The following RBM8A variants were observed in gnomAD, a reference collection of about 807,000 sequenced individuals.
RBM8A encodes the protein RNA binding motif protein 8A.
In RBM8A, 8 loss-of-function variants were observed where a neutral mutation model predicts 25.1. The ratio of observed to expected loss-of-function variants is 0.32; its 90% CI spans 0.19 to 0.58. The LOEUF (loss-of-function observed/expected upper bound fraction) is 0.58, where lower values mean the gene tolerates loss of function less well. Ranked by LOEUF, RBM8A falls within the 20% of genes least tolerant of loss-of-function variation. The pLI, the probability that RBM8A is intolerant of heterozygous loss-of-function variation, is 0.88. For missense variants in RBM8A, 114 were observed against 236.8 expected (o/e 0.48, Z 3.40); for synonymous variants, 66 against 80.0 (o/e 0.82, Z 0.94).
In RBM8A at chr1:145,926,897, CAT is replaced by C; in HGVS notation, c.128-13_128-12del. 6.2e-7 allele frequency: 1 copy of C among 1,614,014 alleles called. No individual in the cohort carries two copies. Among genetic ancestry groups the C allele is most frequent in the Non-Finnish European group, 8.5e-7 (1 of 1,180,014 alleles). ...CTCGGGACCCCTCTTCTATAAGGGA[CAT>C]ACACGAGATCACCGAAAACTCCTCC... On this transcript the variant is annotated splice_polypyrimidine_tract_variant and intron_variant, in intron 2 of 5. Transcript: ENST00000583313.
At position 145,924,133 on chromosome 1, in the gene RBM8A, A is replaced by G. The variant is rs1553755375; in HGVS notation, c.*1749T>C. On this transcript the variant is annotated 3_prime_UTR_variant, in exon 6 of 6. Coordinates refer to ENST00000583313, the MANE Select transcript of RBM8A (RefSeq NM_005105.5). ...TGGGTGGTGAGGGGAACCAGTTCTA[A>G]TAGTCCTCAACTCCACTCCAGCTGT... 8 of 711,960 alleles carry G rather than the reference A, an allele frequency of 1.1e-5. No homozygotes were observed. In the Admixed American group the frequency reaches 1.6e-4, roughly 14 times the overall value. The allele number at this position is 711,960 out of a possible 1,614,324, so 44.1% of individuals were successfully genotyped here.
rs782120463 is a variant in RBM8A, at chr1:145,922,505, G to A, written c.*3377C>T. ...CCATGGGCCACAAGATGATGCAATG[G>A]GAAATGAATTTCATCCTTTCTTACA... On this transcript the variant is annotated 3_prime_UTR_variant, in exon 6 of 6. Coordinates refer to ENST00000583313, the MANE Select transcript of RBM8A (RefSeq NM_005105.5). The A allele has an allele frequency of 6.6e-5, 10 of 152,120 alleles. No individual in the cohort carries two copies. The highest frequency in any genetic ancestry group is 1.5e-5 in the Non-Finnish European group (1 of 68,026). The allele number at this position is 152,120 out of a possible 1,614,324, so 9.4% of individuals were successfully genotyped here. A position where few individuals can be genotyped will look rare whatever the true frequency, so the allele number is the denominator to read the frequency against.
Position 145,923,875 on chromosome 1 carries a change from T to C in RBM8A, c.*2007A>G, listed in dbSNP as rs1244293924. 1.8e-6 allele frequency: 1 copy of C among 552,112 alleles called. No homozygotes were observed. The highest frequency in any genetic ancestry group is 3.2e-6 in the Non-Finnish European group (1 of 309,360). 34.2% of individuals were successfully genotyped at this position (552,112 alleles called of 1,614,324 possible). A position where few individuals can be genotyped will look rare whatever the true frequency, so the allele number is the denominator to read the frequency against. ...GAGGTGGTAGAAATATCATCCCTTA[T>C]AAAGCGCAATGTTAGAATAGTACTT... On this transcript the variant is annotated 3_prime_UTR_variant, in exon 6 of 6. Transcript: ENST00000583313.
rs1648050862 is a variant in RBM8A, at chr1:145,924,810, C to T, written c.*1072G>A. ...TGAATTACAGTATATTTTCTAAATT[C>T]CTAGCCCCTGCTGGTGAATTTGCCC... On this transcript the variant is annotated 3_prime_UTR_variant, in exon 6 of 6. Coordinates refer to ENST00000583313, the MANE Select transcript of RBM8A (RefSeq NM_005105.5). 2.9e-6 allele frequency: 1 copy of T among 349,706 alleles called. No homozygotes were observed. The highest frequency in any genetic ancestry group is 5.7e-6 in the Non-Finnish European group (1 of 174,754). 21.7% of individuals were successfully genotyped at this position (349,706 alleles called of 1,614,324 possible). A position where few individuals can be genotyped will look rare whatever the true frequency, so the allele number is the denominator to read the frequency against.
rs1172060246 is a variant in RBM8A at position 145,921,934 on chromosome 1, A to C, written c.*3948T>G. The C allele has an allele frequency of 1.3e-5, 2 of 152,226 alleles. No homozygotes were observed. Among genetic ancestry groups the C allele is most frequent in the African/African-American group, 4.8e-5 (2 of 41,456 alleles). 9.4% of individuals were successfully genotyped at this position (152,226 alleles called of 1,614,324 possible). A position where few individuals can be genotyped will look rare whatever the true frequency, so the allele number is the denominator to read the frequency against. ...TAGAAGTTAGTCTGACTATACTCCTAAGAACAAAGAAAGGCCTGGTGGCTC... is the reference window on the plus strand; with the variant it reads ...TAGAAGTTAGTCTGACTATACTCCTCAGAACAAAGAAAGGCCTGGTGGCTC... On this transcript the variant is annotated 3_prime_UTR_variant, in exon 6 of 6. Coordinates refer to ENST00000583313, the MANE Select transcript of RBM8A (RefSeq NM_005105.5).
rs149214780 is a variant in RBM8A, at chr1:145,927,438, T to C, written c.-12A>G. On this transcript the variant is annotated 5_prime_UTR_variant, in exon 1 of 6. Coordinates refer to ENST00000583313, the MANE Select transcript of RBM8A (RefSeq NM_005105.5). ...AGCACGTCCGCCATCTCGCCTTCGATCGAGATCTCGTCTGTGCCGCTCAGA... is the reference window on the plus strand; with the variant it reads ...AGCACGTCCGCCATCTCGCCTTCGACCGAGATCTCGTCTGTGCCGCTCAGA... 6.9e-5 allele frequency: 111 copies of C among 1,608,188 alleles called. No individual in the cohort carries two copies. In the African/African-American group the frequency reaches 1.3e-3, roughly 18 times the overall value.
In RBM8A at chr1:145,924,838, C is replaced by T. The variant is rs1256902525; in HGVS notation, c.*1044G>A. The T allele has an allele frequency of 3.0e-6, 1 of 337,414 alleles. No individual in the cohort carries two copies. Among genetic ancestry groups the T allele is most frequent in the Non-Finnish European group, 5.9e-6 (1 of 170,832 alleles). The allele number at this position is 337,414 out of a possible 1,614,324, so 20.9% of individuals were successfully genotyped here. A position where few individuals can be genotyped will look rare whatever the true frequency, so the allele number is the denominator to read the frequency against. On this transcript the variant is annotated 3_prime_UTR_variant, in exon 6 of 6. Transcript: ENST00000583313. Reference sequence around the variant, plus strand: ...AGCCCCTGCTGGTGAATTTGCCCTCCCCCGCTCCTTTGACAATTGTCCCCG... The same window carrying T: ...AGCCCCTGCTGGTGAATTTGCCCTCTCCCGCTCCTTTGACAATTGTCCCCG...
intron 4 of RBM8A, 36 bp from the exon 5 acceptor site, chr1:145,926,213 C>T (rs1553755851): frequency 4.4e-6 from 7 of 1,607,346 alleles, no homozygotes; most frequent in Non-Finnish European, 6.0e-6. Context: ...GAAAACCCTC[C>T]TATTTCCCCA....
chr1:145,927,094 T>C lies in RBM8A; in HGVS notation c.68-17A>G, dbSNP rs1559232007. The C allele has an allele frequency of 5.0e-6, 8 of 1,611,078 alleles. No homozygotes were observed. The highest frequency in any genetic ancestry group is 6.8e-6 in the Non-Finnish European group (8 of 1,177,330). ...GAATGCTCTCTGGAACCCCAGAAGA[T>C]AAAAGAATAAGTAACTATGACAGTC... is the stretch of plus-strand genomic sequence containing the variant. On this transcript the variant is annotated splice_polypyrimidine_tract_variant and intron_variant, in intron 1 of 5. Transcript: ENST00000583313.
At chr1:145,926,774 G>C (rs782186638) in intron 3 of RBM8A, 35 bp downstream of exon 3, 1 of 1,614,026 alleles carries the variant, frequency 6.2e-7, no homozygotes, top group Non-Finnish European at 8.5e-7. Flanking sequence ...TACTACCACA[G>C]ACACGGATAC....
In RBM8A at chr1:145,926,330, G is replaced by A. The variant is rs1553755892; in HGVS notation, c.342+152C>T. On this transcript the variant is annotated intron_variant, in intron 4 of 5. Coordinates refer to ENST00000583313, the MANE Select transcript of RBM8A (RefSeq NM_005105.5). ...TCTACTGTATATATACATCATCTCCGTTTCTGTCTCTTTGGCGTGTCTGAC... is the reference window on the plus strand; with the variant it reads ...TCTACTGTATATATACATCATCTCCATTTCTGTCTCTTTGGCGTGTCTGAC... 4.2e-6 allele frequency: 6 copies of A among 1,440,242 alleles called. No homozygotes were observed. The African/African-American group carries it at 4.3e-5, about 10-fold the overall frequency. The allele number at this position is 1,440,242 out of a possible 1,614,324, so 89.2% of individuals were successfully genotyped here. A position where few individuals can be genotyped will look rare whatever the true frequency, so the allele number is the denominator to read the frequency against.
In RBM8A at chr1:145,927,169, C is replaced by T. The variant is rs1287397695; in HGVS notation, c.68-92G>A. ...AATACACTACCAGCAAGCCGACCCA[C>T]ACCGCCTCCAGTCTTAGTGCCTTCC... On this transcript the variant is annotated intron_variant, in intron 1 of 5. Coordinates refer to ENST00000583313, the MANE Select transcript of RBM8A (RefSeq NM_005105.5). 3.9e-6 allele frequency: 6 copies of T among 1,533,064 alleles called. No homozygotes were observed. In the African/African-American group the frequency reaches 8.2e-5, roughly 21 times the overall value. 95.0% of individuals were successfully genotyped at this position (1,533,064 alleles called of 1,614,324 possible).
At chr1:145,926,408 C>T (rs1274310335) in intron 4 of RBM8A, 74 bp downstream of exon 4, 1 of 1,568,386 alleles carries the variant, frequency 6.4e-7, no homozygotes, top group African/African-American at 1.4e-5. Context: ...TGGCCAACCA[C>T]AGCAAACACA....
Position 145,924,225 on chromosome 1 carries a change from T to C in RBM8A, c.*1657A>G, listed in dbSNP as rs1553755410. On this transcript the variant is annotated 3_prime_UTR_variant, in exon 6 of 6. Transcript: ENST00000583313. ...ACTCAGTGTGTCACCAAAGGCAGCT[T>C]CAAGGCTCAATGGCAAGAGACCACC... is the stretch of plus-strand genomic sequence containing the variant. The C allele has an allele frequency of 6.1e-6, 4 of 661,054 alleles. No homozygotes were observed. The highest frequency in any genetic ancestry group is 5.3e-5 in the African/African-American group (3 of 56,262). The allele number at this position is 661,054 out of a possible 1,614,324, so 40.9% of individuals were successfully genotyped here.
Position 145,924,671 on chromosome 1 carries a change from T to A in RBM8A, c.*1211A>T. 1 of 357,220 alleles carries A rather than the reference T, an allele frequency of 2.8e-6. No homozygotes were observed. The highest frequency in any genetic ancestry group is 2.1e-5 in the South Asian group (1 of 47,582). 22.1% of individuals were successfully genotyped at this position (357,220 alleles called of 1,614,324 possible). A position where few individuals can be genotyped will look rare whatever the true frequency, so the allele number is the denominator to read the frequency against. ...GGGTAAGAAATCATATAGTCCCAGG[T>A]TGGGAAGGGGAAAACGGTTTGCAAC... is the stretch of plus-strand genomic sequence containing the variant. On this transcript the variant is annotated 3_prime_UTR_variant, in exon 6 of 6. Coordinates refer to ENST00000583313, the MANE Select transcript of RBM8A (RefSeq NM_005105.5).
chr1:145,926,236 T>TTTTTTTCCTCAA, intron 4 of RBM8A, 59 bp from the exon 5 acceptor site: 1 of 1,596,620 alleles, frequency 6.3e-7, no homozygotes, highest in Non-Finnish European at 8.6e-7. Flanking sequence ...TATCACTGAG[T>TTTTTTTCCTCAA]ATCTTTTTCC....
Position 145,924,819 on chromosome 1 carries a change from T to C in RBM8A, c.*1063A>G. On this transcript the variant is annotated 3_prime_UTR_variant, in exon 6 of 6. Coordinates refer to ENST00000583313, the MANE Select transcript of RBM8A (RefSeq NM_005105.5). ...GTATATTTTCTAAATTCCTAGCCCC[T>C]GCTGGTGAATTTGCCCTCCCCCGCT... 1 of 345,880 alleles carries C rather than the reference T, an allele frequency of 2.9e-6. No individual in the cohort carries two copies. The highest frequency in any genetic ancestry group is 2.1e-5 in the South Asian group (1 of 47,246). The allele number at this position is 345,880 out of a possible 1,614,324, so 21.4% of individuals were successfully genotyped here. A position where few individuals can be genotyped will look rare whatever the true frequency, so the allele number is the denominator to read the frequency against.
Position 145,926,145 on chromosome 1 carries a change from C to T in RBM8A, c.375G>A (p.Lys125=). ...GYTLVEYETY[K]EAQAAMEGLN... is the part of the protein sequence containing the mutation. ...GTCCCTCCATAGCAGCCTGGGCTTCCTTGTATGTTTCATATTCAACTAGAG... is the reference window on the plus strand; with the variant it reads ...GTCCCTCCATAGCAGCCTGGGCTTCTTTGTATGTTTCATATTCAACTAGAG... Residue 125 remains lysine (K), a synonymous_variant, in exon 5 of 6, where the codon AAG becomes AAA. Transcript: ENST00000583313. 6.2e-7 allele frequency: 1 copy of T among 1,613,986 alleles called. No individual in the cohort carries two copies. The highest frequency in any genetic ancestry group is 8.5e-7 in the Non-Finnish European group (1 of 1,180,012).
intron 1 of RBM8A, 120 bp downstream of exon 1, chr1:145,927,240 A>G: frequency 6.9e-7 from 1 of 1,447,324 alleles, no homozygotes; most frequent in Middle Eastern, 1.8e-4. Context: ...TCTCTAATCC[A>G]CCCAAGACCC....
Sources: gnomAD v4.1 joint callset for allele counts on GRCh38, gnomAD v4.1.1 for gene constraint, MANE v1.5 for transcripts, NCBI Gene and HGNC (gene_info 2026-07-23, HGNC 2026-07-21) for gene names.